Variants in FSTL4 observed in about 807,000 individuals in gnomAD.
FSTL4 encodes the protein follistatin like 4, also known as follistatin-related protein 4.
A neutral mutation model predicts 78.2 loss-of-function variants in FSTL4; 28 were observed. The ratio of observed to expected loss-of-function variants is 0.36; its 90% CI spans 0.27 to 0.49. The LOEUF is 0.49. FSTL4 is among the 20% of genes least tolerant of loss of function. The pLI is 0.98. For missense variants in FSTL4, 922 were observed against 1,084.9 expected, an observed-to-expected ratio of 0.85 and a Z score of 2.11; for synonymous variants, 422 against 440.5, an observed-to-expected ratio of 0.96 and a Z score of 0.53.
chr5:133,762,576 A>T, the FSTL4 span, among the ~76,000 whole-genome samples: 1 of 152,174 alleles, frequency 6.6e-6, no homozygotes, highest in Non-Finnish European at 1.5e-5. Context: ...TGATAAAGGG[A>T]TTTATAGACT....
chr5:133,596,951 G>A (rs546237869), intron 2 of FSTL4, among the ~76,000 whole-genome samples: 207 of 152,340 alleles, frequency 1.4e-3, no homozygotes, highest in Non-Finnish European at 2.5e-3. Context: ...ATGCCCCAAA[G>A]GATGGCTACC....
the FSTL4 span, among the ~76,000 whole-genome samples, chr5:133,655,929 AG>A: frequency 5.3e-5 from 8 of 152,326 alleles, no homozygotes; most frequent in Admixed American, 1.3e-4. Flanking sequence ...CGAGCATAAA[AG>A]CTCAAGTTCA....
chr5:133,517,559 A>G (rs993665665), intron 3 of FSTL4, among the ~76,000 whole-genome samples: 1 of 147,280 alleles, frequency 6.8e-6, no homozygotes, highest in Non-Finnish European at 1.5e-5. Context: ...AAACATTTAC[A>G]TAATTTTTGG....
At chr5:133,243,278 A>G (rs1751932034) in intron 7 of FSTL4, among the ~76,000 whole-genome samples, 1 of 152,188 alleles carries the variant, frequency 6.6e-6, no homozygotes, top group African/African-American at 2.4e-5. Flanking sequence ...CTTTCAAGTC[A>G]TTTGAAATAT....
chr5:133,370,880 G>A (rs904324752), intron 4 of FSTL4, among the ~76,000 whole-genome samples: 2 of 152,200 alleles, frequency 1.3e-5, no homozygotes, highest in African/African-American at 4.8e-5. Context: ...ACAGGGAAAG[G>A]CAGGTTGGGG....
the FSTL4 span, among the ~76,000 whole-genome samples, chr5:133,654,226 G>A: frequency 0.011 from 1,741 of 152,224 alleles, 21 homozygotes; most frequent in Non-Finnish European, 0.016. Flanking sequence ...CATAATCATC[G>A]CAGCCACCAT....
chr5:133,294,380 T>C (rs928223312), intron 6 of FSTL4, among the ~76,000 whole-genome samples: 9 of 152,102 alleles, frequency 5.9e-5, no homozygotes, highest in African/African-American at 2.2e-4. Flanking sequence ...TCCTCTTCTG[T>C]AAAATGGGCA....
At chr5:133,243,270 T>C (rs914495965) in intron 7 of FSTL4, among the ~76,000 whole-genome samples, 1 of 152,272 alleles carries the variant, frequency 6.6e-6, no homozygotes, top group Admixed American at 6.5e-5. Flanking sequence ...GAGTGGCTCT[T>C]TCAAGTCATT....
Position 133,347,713 on chromosome 5 carries a change from T to A in FSTL4, c.410-31061A>T, listed in dbSNP as rs149475580. Among the ~76,000 whole-genome samples the A allele has an allele frequency of 7.6e-3, 1,161 of 152,288 alleles. 12 individuals carry two copies. The highest frequency in any genetic ancestry group is 0.016 in the South Asian group (75 of 4,828). ...ACACCACGTATTTTCCTTTTCTTAG[T>A]CCTCAAGAGGACCTTGAATAAGACA... On this transcript the variant is annotated intron_variant, in intron 4 of 15. Transcript: ENST00000265342.
chr5:133,567,415 G>A (rs545554554), intron 2 of FSTL4, among the ~76,000 whole-genome samples, 196 bp from the exon 3 acceptor site: 4 of 152,112 alleles, frequency 2.6e-5, no homozygotes, highest in Non-Finnish European at 5.9e-5. Flanking sequence ...TGCTTTGAGG[G>A]CTTAGGCAAA....
intron 3 of FSTL4, among the ~76,000 whole-genome samples, chr5:133,564,589 G>C (rs1759987382): frequency 6.6e-6 from 1 of 152,322 alleles, no homozygotes; most frequent in East Asian, 1.9e-4. Context: ...TCTGATCTCA[G>C]GAAATTAACC....
chr5:133,353,562 G>T (rs574086475), intron 4 of FSTL4, among the ~76,000 whole-genome samples: 1 of 151,676 alleles, frequency 6.6e-6, no homozygotes, highest in South Asian at 2.1e-4. Flanking sequence ...GAAAATGAGG[G>T]AATGTTGTAG....
chr5:133,514,752 A>T (rs1171787978), intron 3 of FSTL4, among the ~76,000 whole-genome samples: 1 of 152,220 alleles, frequency 6.6e-6, no homozygotes, highest in African/African-American at 2.4e-5. Context: ...TTAGCCAGCA[A>T]ACCACAAAAC....
At chr5:133,277,651 C>T (rs1170222499) in intron 6 of FSTL4, among the ~76,000 whole-genome samples, 1 of 152,212 alleles carries the variant, frequency 6.6e-6, no homozygotes, top group Non-Finnish European at 1.5e-5. Context: ...GAGGAGCCTG[C>T]AGGAAGGCTG....
At chr5:133,221,441 C>T (rs116392509) in intron 11 of FSTL4, among the ~76,000 whole-genome samples, 164 of 150,324 alleles carry the variant, frequency 1.1e-3, no homozygotes, top group African/African-American at 3.9e-3. Flanking sequence ...TCTGGCAGCC[C>T]GTGCCAGGCA....
At chr5:133,590,748 A>G (rs1269831384) in intron 2 of FSTL4, among the ~76,000 whole-genome samples, 1 of 152,214 alleles carries the variant, frequency 6.6e-6, no homozygotes, top group East Asian at 1.9e-4. Flanking sequence ...TTGTGCTGCT[A>G]TAACAGAATA....
At chr5:133,294,391 T>A (rs1344367891) in intron 6 of FSTL4, among the ~76,000 whole-genome samples, 1 of 152,070 alleles carries the variant, frequency 6.6e-6, no homozygotes, top group African/African-American at 2.4e-5. Flanking sequence ...AAAATGGGCA[T>A]AAAAAGAGAC....
intron 13 of FSTL4, among the ~76,000 whole-genome samples, chr5:133,212,704 A>C (rs1234989668): frequency 6.6e-6 from 1 of 152,140 alleles, no homozygotes; most frequent in African/African-American, 2.4e-5. Context: ...AGAATATATG[A>C]AAAAATAGTG....
At chr5:133,615,418 C>G (rs1375402609), upstream of FSTL4, among the ~76,000 whole-genome samples, 1 of 152,362 alleles carries the variant, frequency 6.6e-6, no homozygotes, top group East Asian at 1.9e-4. Flanking sequence ...GGGTCTCTCT[C>G]CCGCCTCAGC....
Sources: gnomAD v4.1 joint callset for allele counts (sites outside exome capture counted in the v4.1 genomes callset) on GRCh38, gnomAD v4.1.1 for gene constraint, MANE v1.5 for transcripts, NCBI Gene and HGNC (gene_info 2026-07-23, HGNC 2026-07-21) for gene names.